CAMKMT: variants seen among roughly 807,000 people sequenced by gnomAD.
The protein encoded by CAMKMT is calmodulin-lysine N-methyltransferase, also known as CaM KMT.
CAMKMT carries 53 observed loss-of-function variants against 48.0 expected under a neutral mutation model. The observed-to-expected ratio is 1.10, with a 90% confidence interval of 0.89 to 1.39. CAMKMT has a LOEUF of 1.39. CAMKMT is among the 40% of genes most tolerant of loss of function. CAMKMT has a pLI of 0.00. For synonymous variants in CAMKMT, 165 were observed against 152.3 expected, an observed-to-expected ratio of 1.08 and a Z score of -0.61; for missense variants, 428 against 402.7, an observed-to-expected ratio of 1.06 and a Z score of -0.54.
intron 3 of CAMKMT, among the ~76,000 whole-genome samples, chr2:44,584,031 T>C (rs1042073805): frequency 2.0e-5 from 3 of 152,148 alleles, no homozygotes; most frequent in Admixed American, 6.5e-5. Flanking sequence ...AAAGCTTCCT[T>C]TGTGCTCTTT....
At chr2:44,443,348 T>A (rs1666786951) in intron 3 of CAMKMT, among the ~76,000 whole-genome samples, 1 of 152,206 alleles carries the variant, frequency 6.6e-6, no homozygotes, top group African/African-American at 2.4e-5. Context: ...TTGTAATGCA[T>A]GGGTTAATAT....
At chr2:44,524,329 C>T (rs1048808216) in intron 3 of CAMKMT, among the ~76,000 whole-genome samples, 3 of 152,152 alleles carry the variant, frequency 2.0e-5, no homozygotes, top group African/African-American at 7.2e-5. Flanking sequence ...CCCCAATCCC[C>T]CCATCCCATA....
intron 3 of CAMKMT, among the ~76,000 whole-genome samples, chr2:44,396,397 A>G (rs139535020): frequency 1.6e-4 from 24 of 152,320 alleles, no homozygotes; most frequent in African/African-American, 5.8e-4. Context: ...TTACAAATCC[A>G]TAATAAAAAG....
chr2:44,616,263 G>C (rs1030372278), intron 3 of CAMKMT, among the ~76,000 whole-genome samples: 2 of 152,116 alleles, frequency 1.3e-5, no homozygotes, highest in Non-Finnish European at 2.9e-5. Context: ...ACACAAGTTT[G>C]CTCCTGTCAT....
At chr2:44,641,701 G>T (rs997400781) in intron 3 of CAMKMT, among the ~76,000 whole-genome samples, 2 of 146,982 alleles carry the variant, frequency 1.4e-5, no homozygotes, top group Admixed American at 7.0e-5. Context: ...GGGACTACAG[G>T]TGCATGTCAC....
chr2:44,715,966 A>G (rs1420701862), intron 7 of CAMKMT, among the ~76,000 whole-genome samples: 1 of 152,188 alleles, frequency 6.6e-6, no homozygotes, highest in Non-Finnish European at 1.5e-5. Context: ...TAATTCTTAT[A>G]CAAACTAGGA....
At position 44,502,894 on chromosome 2, in the gene CAMKMT, G is replaced by A. The variant is rs117597821; in HGVS notation, c.376+112589G>A. ...ATGTATTAATAGGATATGTAATTTG[G>A]GGGTATAGAAAACATTTTTTTAACT... is the stretch of plus-strand genomic sequence containing the variant. On this transcript the variant is annotated intron_variant, in intron 3 of 10. Coordinates refer to ENST00000378494, the MANE Select transcript of CAMKMT (RefSeq NM_024766.5). 3.6e-3 allele frequency among the ~76,000 whole-genome samples: 548 copies of A among 152,044 alleles called. 2 individuals carry two copies. Among genetic ancestry groups the A allele is most frequent in the Non-Finnish European group, 6.0e-3 (406 of 67,970 alleles).
At chr2:44,451,299 C>CA (rs908467937) in intron 3 of CAMKMT, among the ~76,000 whole-genome samples, 2 of 151,978 alleles carry the variant, frequency 1.3e-5, no homozygotes, top group African/African-American at 4.8e-5. Flanking sequence ...TTACAGTAGA[C>CA]AAAGTGTTGA....
At chr2:44,722,495 T>C (rs1678525766) in intron 7 of CAMKMT, among the ~76,000 whole-genome samples, 1 of 152,184 alleles carries the variant, frequency 6.6e-6, no homozygotes, top group African/African-American at 2.4e-5. Flanking sequence ...AAGTTTGTCT[T>C]ATCTTTTGAA....
At chr2:44,420,835 T>G (rs1009303413) in intron 3 of CAMKMT, among the ~76,000 whole-genome samples, 1 of 152,152 alleles carries the variant, frequency 6.6e-6, no homozygotes, top group African/African-American at 2.4e-5. Context: ...ACTTTTTTTT[T>G]TTCCCCCCTT....
chr2:44,465,072 A>C (rs556094974), intron 3 of CAMKMT, among the ~76,000 whole-genome samples: 1 of 152,206 alleles, frequency 6.6e-6, no homozygotes, highest in African/African-American at 2.4e-5. Flanking sequence ...ATAGCTAACT[A>C]TAAAACTATG....
At chr2:44,689,196 T>G (rs191052574) in intron 3 of CAMKMT, among the ~76,000 whole-genome samples, 35 of 152,308 alleles carry the variant, frequency 2.3e-4, no homozygotes, top group Non-Finnish European at 2.2e-4. Flanking sequence ...CCTAATACTT[T>G]ATTTCCTCCA....
At chr2:44,695,818 G>A (rs765757828) in intron 3 of CAMKMT, among the ~76,000 whole-genome samples, 6 of 152,010 alleles carry the variant, frequency 3.9e-5, no homozygotes, top group African/African-American at 9.6e-5. Flanking sequence ...TTGAAGGCTC[G>A]GAAATCGGTG....
chr2:44,495,628 T>C (rs1045279676), intron 3 of CAMKMT, among the ~76,000 whole-genome samples: 1 of 152,206 alleles, frequency 6.6e-6, no homozygotes. Context: ...CTGCCCTTTA[T>C]TGTAGGCCAA....
intron 3 of CAMKMT, among the ~76,000 whole-genome samples, chr2:44,402,731 T>G (rs1276533774): frequency 7.7e-6 from 1 of 130,680 alleles, no homozygotes; most frequent in African/African-American, 2.9e-5. Flanking sequence ...TTTCATCTTT[T>G]GTTTTGCTGT....
rs928013275 is a variant in CAMKMT at position 44,602,666 on chromosome 2, C to A, written c.377-101617C>A. 3.3e-5 allele frequency among the ~76,000 whole-genome samples: 5 copies of A among 151,966 alleles called. 1 individual carries two copies. The highest frequency in any genetic ancestry group is 7.3e-5 in the African/African-American group (3 of 41,282). Reference sequence around the variant, plus strand: ...TGGCGGAAAGTGAAGGGGAAGCAAGCACGTCTTACTACGGCAGAGCTGGAG... The same window carrying A: ...TGGCGGAAAGTGAAGGGGAAGCAAGAACGTCTTACTACGGCAGAGCTGGAG... On this transcript the variant is annotated intron_variant, in intron 3 of 10. Transcript: ENST00000378494.
At chr2:44,550,079 A>G (rs1430909332) in intron 3 of CAMKMT, among the ~76,000 whole-genome samples, 4 of 152,200 alleles carry the variant, frequency 2.6e-5, no homozygotes, top group Non-Finnish European at 5.9e-5. Context: ...CAATACCAGC[A>G]CAAAGAACAT....
intron 2 of CAMKMT, among the ~76,000 whole-genome samples, chr2:44,380,993 C>T (rs963865025): frequency 5.9e-5 from 9 of 152,204 alleles, no homozygotes; most frequent in African/African-American, 2.2e-4. Flanking sequence ...AACCCCATCT[C>T]TACTAAAAAT....
chr2:44,556,759 G>A (rs1342187355), intron 3 of CAMKMT, among the ~76,000 whole-genome samples: 1 of 24,744 alleles, frequency 4.0e-5, no homozygotes, highest in South Asian at 1.3e-3. Flanking sequence ...GTGAGCCACC[G>A]CGCCCGGCCC....
Sources: allele counts gnomAD v4.1 joint callset (sites outside exome capture counted in the v4.1 genomes callset), GRCh38; gene constraint gnomAD v4.1.1; transcripts MANE v1.5; gene names NCBI Gene and HGNC (gene_info 2026-07-23, HGNC 2026-07-21).